Variants in NCOA3 observed in about 807,000 individuals in gnomAD.
The protein encoded by NCOA3 is CBP-interacting protein.
A neutral mutation model predicts 158.8 loss-of-function variants in NCOA3; 51 were observed. The observed-to-expected ratio is 0.32, with a 90% CI of 0.26 to 0.41. The LOEUF is 0.41. Ranked by LOEUF, NCOA3 falls within the 10% of genes least tolerant of loss-of-function variation. The probability of loss-of-function intolerance (pLI) is 1.00; values close to 1 mark genes in which losing one functional copy is unlikely to be tolerated. For missense variants in NCOA3, 1,510 were observed against 1,746.6 expected, an observed-to-expected ratio of 0.86 and a Z score of 2.41; for synonymous variants, 537 against 592.4, an observed-to-expected ratio of 0.91 and a Z score of 1.36.
chr20:47,594,892 A>G (rs2085726733), intron 2 of NCOA3, among the ~76,000 whole-genome samples: 1 of 148,208 alleles, frequency 6.7e-6, no homozygotes, highest in African/African-American at 2.5e-5. Context: ...TCCGAGTTCA[A>G]GTAATTCTCC....
chr20:47,581,902 AC>A (rs1330200788), intron 1 of NCOA3, among the ~76,000 whole-genome samples: 2 of 152,156 alleles, frequency 1.3e-5, no homozygotes, highest in East Asian at 3.9e-4. Context: ...AGGCAAGAAA[AC>A]ATCTGAGCCT....
chr20:47,546,555 G>A lies in NCOA3; in HGVS notation c.-98-36628G>A, dbSNP rs543138392. Among the ~76,000 whole-genome samples the A allele has an allele frequency of 2.2e-3, 296 of 131,726 alleles. 2 individuals carry two copies. Among genetic ancestry groups the A allele is most frequent in the Non-Finnish European group, 3.6e-3 (228 of 63,876 alleles). The allele number at this position is 131,726 out of a possible 152,430, so 86.4% of individuals were successfully genotyped here. On this transcript the variant is annotated intron_variant, in intron 1 of 22. Coordinates refer to ENST00000371998, the MANE Select transcript of NCOA3 (RefSeq NM_181659.3). ...TTTTTTTTTTTTTTTTTTTAAGACC[G>A]AATTTCCCTCTTGTTGCCTAGGCTG...
Position 47,577,340 on chromosome 20 carries a change from T to C in NCOA3, c.-98-5843T>C, listed in dbSNP as rs563008352. Among the ~76,000 whole-genome samples, 14 of 152,336 alleles carry C rather than the reference T, an allele frequency of 9.2e-5. No homozygotes were observed. In the South Asian group the frequency reaches 2.7e-3, roughly 29 times the overall value. On this transcript the variant is annotated intron_variant, in intron 1 of 22. Coordinates refer to ENST00000371998, the MANE Select transcript of NCOA3 (RefSeq NM_181659.3). ...TTGGTTATGACAACTCTGGACATAA[T>C]TGCAGAAATTGTACAATTAATGCCT...
chr20:47,587,850 T>C (rs1310337273), intron 2 of NCOA3, among the ~76,000 whole-genome samples: 1 of 152,220 alleles, frequency 6.6e-6, no homozygotes, highest in Non-Finnish European at 1.5e-5. Context: ...ATTCCATGTC[T>C]ACAGGGTTCT....
At chr20:47,626,151 C>G (rs917049351) in intron 5 of NCOA3, among the ~76,000 whole-genome samples, 3 of 152,196 alleles carry the variant, frequency 2.0e-5, no homozygotes, top group African/African-American at 7.2e-5. Context: ...GTTTTATATT[C>G]TTGAGGAATT....
chr20:47,572,330 G>T (rs1454366127), intron 1 of NCOA3, among the ~76,000 whole-genome samples: 1 of 151,942 alleles, frequency 6.6e-6, no homozygotes, highest in Admixed American at 6.6e-5. Flanking sequence ...TGAACAGCCA[G>T]CAGTTCAAGG....
At chr20:47,616,890 A>G (rs986541104) in intron 2 of NCOA3, among the ~76,000 whole-genome samples, 1 of 152,184 alleles carries the variant, frequency 6.6e-6, no homozygotes, top group Non-Finnish European at 1.5e-5. Context: ...TTTCTATTCA[A>G]CTATAAGTGA....
intron 8 of NCOA3, chr20:47,631,479 T>A (rs1379108035): frequency 6.6e-6 from 1 of 152,256 alleles, no homozygotes; most frequent in Non-Finnish European, 1.5e-5. Context: ...TAGACAGTTT[T>A]TAAGGACCAT....
intron 1 of NCOA3, among the ~76,000 whole-genome samples, chr20:47,574,948 A>G (rs1309272723): frequency 6.6e-6 from 1 of 152,216 alleles, no homozygotes; most frequent in East Asian, 1.9e-4. Flanking sequence ...TTACATTTCT[A>G]TTTTTAAGTA....
chr20:47,622,367 T>C (rs1402479405), intron 3 of NCOA3, 37 bp downstream of exon 3: 1 of 1,331,208 alleles, frequency 7.5e-7, no homozygotes, highest in Admixed American at 2.3e-5. Context: ...ACCACACTTG[T>C]TGTGCCTTTG....
chr20:47,564,698 G>A (rs531761777), intron 1 of NCOA3, among the ~76,000 whole-genome samples: 1 of 152,168 alleles, frequency 6.6e-6, no homozygotes, highest in African/African-American at 2.4e-5. Flanking sequence ...AAGGATATAT[G>A]CATTTAAAGT....
intron 1 of NCOA3, among the ~76,000 whole-genome samples, chr20:47,515,472 CTTTTTTTTTTT>C (rs111350575): frequency 1.5e-5 from 2 of 130,048 alleles, no homozygotes; most frequent in Non-Finnish European, 3.3e-5. Flanking sequence ...TTCTTTCTTT[CTTTTTTTTTTT>C]TTTTTTTCTT....
intron 1 of NCOA3, among the ~76,000 whole-genome samples, chr20:47,514,051 A>G (rs1214187125): frequency 1.3e-5 from 2 of 152,150 alleles, no homozygotes; most frequent in South Asian, 4.1e-4. Context: ...CGGCCACTGT[A>G]TACCCTCTGA....
At chr20:47,524,691 C>A (rs1235627920) in intron 1 of NCOA3, among the ~76,000 whole-genome samples, 1 of 152,106 alleles carries the variant, frequency 6.6e-6, no homozygotes, top group Non-Finnish European at 1.5e-5. Flanking sequence ...AAGAGGAGGT[C>A]CCCCCAGTAT....
rs148545557 is a variant in NCOA3, at chr20:47,608,640, C to CAA, written c.-19-13570_-19-13569dup. 2.9e-3 allele frequency among the ~76,000 whole-genome samples: 284 copies of CAA among 98,622 alleles called. 3 individuals carry two copies. The highest frequency in any genetic ancestry group is 7.4e-3 in the African/African-American group (191 of 25,914). 64.7% of individuals were successfully genotyped at this position (98,622 alleles called of 152,430 possible). ...GGTGACAGAGCTGAGACCCTGTCTC[C>CAA]AAAAAAAAAAAAAAAAAAAAGGTGA... On this transcript the variant is annotated intron_variant, in intron 2 of 22. Coordinates refer to ENST00000371998, the MANE Select transcript of NCOA3 (RefSeq NM_181659.3).
rs150300852 is a variant in NCOA3 at position 47,505,293 on chromosome 20, C to T, written c.-99+3274C>T. 6.7e-3 allele frequency among the ~76,000 whole-genome samples: 1,020 copies of T among 152,000 alleles called. 14 individuals are homozygous for T. Among genetic ancestry groups the T allele is most frequent in the African/African-American group, 0.023 (953 of 41,454 alleles). Reference sequence around the variant, plus strand: ...CAGGCTGGTCTCGAACTCCCAACCTCAGGTAATCCACCTGCCTTGGCCTCC... The same window carrying T: ...CAGGCTGGTCTCGAACTCCCAACCTTAGGTAATCCACCTGCCTTGGCCTCC... On this transcript the variant is annotated intron_variant, in intron 1 of 22. Coordinates refer to ENST00000371998, the MANE Select transcript of NCOA3 (RefSeq NM_181659.3).
chr20:47,544,180 G>A (rs1033921790), intron 1 of NCOA3, among the ~76,000 whole-genome samples: 11 of 150,938 alleles, frequency 7.3e-5, no homozygotes, highest in African/African-American at 2.7e-4. Flanking sequence ...TTCTGTTCCA[G>A]GATCCAATCC....
chr20:47,588,078 C>A (rs2146232356), intron 2 of NCOA3, among the ~76,000 whole-genome samples: 1 of 148,500 alleles, frequency 6.7e-6, no homozygotes, highest in Non-Finnish European at 1.5e-5. Flanking sequence ...CGAGAGTAAA[C>A]AGTTAAAATT....
chr20:47,616,441 C>T (rs1426742080), intron 2 of NCOA3, among the ~76,000 whole-genome samples: 3 of 152,140 alleles, frequency 2.0e-5, no homozygotes, highest in Non-Finnish European at 4.4e-5. Context: ...GATCCGCCCA[C>T]CTCGGCCTCC....
Sources: allele counts gnomAD v4.1 joint callset (sites outside exome capture counted in the v4.1 genomes callset), GRCh38; gene constraint gnomAD v4.1.1; transcripts MANE v1.5; gene names NCBI Gene and HGNC (gene_info 2026-07-23, HGNC 2026-07-21).